The following NR3C2 variants were observed in gnomAD, a reference collection of about 807,000 sequenced individuals.
NR3C2 encodes the protein mineralocorticoid receptor.
Under a neutral mutation model 86.4 loss-of-function variants are expected in NR3C2, and 15 were observed. That is an observed-to-expected ratio of 0.17 (90% CI 0.12 to 0.27). The LOEUF (loss-of-function observed/expected upper bound fraction) is 0.27, where lower values mean the gene tolerates loss of function less well. Ranked by LOEUF, NR3C2 falls within the 10% of genes least tolerant of loss-of-function variation. NR3C2 has a pLI of 1.00. For synonymous variants in NR3C2, 458 were observed against 450.5 expected, an observed-to-expected ratio of 1.02 and a Z score of -0.21; for missense variants, 960 against 1,195.6, an observed-to-expected ratio of 0.80 and a Z score of 2.91.
chr4:148,419,739 A>T (rs967982603), intron 2 of NR3C2, among the ~76,000 whole-genome samples: 6 of 152,178 alleles, frequency 3.9e-5, no homozygotes, highest in Non-Finnish European at 8.8e-5. Context: ...GTACTTTGTA[A>T]AAGAAACTAT....
At chr4:148,357,676 CTCT>C (rs2149999582) in intron 2 of NR3C2, among the ~76,000 whole-genome samples, 1 of 152,270 alleles carries the variant, frequency 6.6e-6, no homozygotes, top group East Asian at 1.9e-4. Context: ...CCACCAAAGG[CTCT>C]TCATTTAACA....
Position 148,142,501 on chromosome 4 carries a change from C to T in NR3C2, c.2510+9968G>A, listed in dbSNP as rs115119954. 6.2e-3 allele frequency among the ~76,000 whole-genome samples: 937 copies of T among 152,050 alleles called. 10 individuals carry two copies. Among genetic ancestry groups the T allele is most frequent in the African/African-American group, 0.021 (884 of 41,488 alleles). ...ATCTCAGGGGTGCACGTCTTTCTTC[C>T]CCACCCCCGAAAGGGCCTCGTTTTG... On this transcript the variant is annotated intron_variant, in intron 6 of 8. Coordinates refer to ENST00000358102, the MANE Select transcript of NR3C2 (RefSeq NM_000901.5).
At chr4:148,440,528 T>A (rs900147800) in intron 1 of NR3C2, among the ~76,000 whole-genome samples, 2 of 152,252 alleles carry the variant, frequency 1.3e-5, no homozygotes, top group African/African-American at 4.8e-5. Context: ...AAATCAGGCT[T>A]GCCTGCCTCA....
rs540181155 is a variant in NR3C2, at chr4:148,133,369, T to C, written c.2511-13081A>G. Among the ~76,000 whole-genome samples, 3 of 152,286 alleles carry C rather than the reference T, an allele frequency of 2.0e-5. No homozygotes were observed. The East Asian group carries it at 5.8e-4, about 29-fold the overall frequency. On this transcript the variant is annotated intron_variant, in intron 6 of 8. Transcript: ENST00000358102. ...CCTTTGGTGAGATATTATTGCTTCA[T>C]ACAGGGACATTTTGGGTATAAACGT... is the stretch of plus-strand genomic sequence containing the variant.
intron 2 of NR3C2, 33 bp from the exon 3 acceptor site, chr4:148,260,150 A>G: frequency 6.2e-7 from 1 of 1,613,302 alleles, no homozygotes; most frequent in Non-Finnish European, 8.5e-7. Flanking sequence ...AAATAACTAC[A>G]CCGTAAAGGC....
intron 2 of NR3C2, among the ~76,000 whole-genome samples, chr4:148,270,168 C>T (rs968075053): frequency 3.3e-5 from 5 of 151,330 alleles, no homozygotes; most frequent in African/African-American, 1.2e-4. Flanking sequence ...AATATGGCTT[C>T]TTTCTATAAA....
intron 3 of NR3C2, among the ~76,000 whole-genome samples, chr4:148,211,533 G>A (rs1346145596): frequency 6.6e-6 from 1 of 152,058 alleles, no homozygotes; most frequent in Non-Finnish European, 1.5e-5. Flanking sequence ...AATATATTAG[G>A]AAAAAGCCTA....
At chr4:148,148,109 T>A (rs949261354) in intron 6 of NR3C2, among the ~76,000 whole-genome samples, 1 of 77,182 alleles carries the variant, frequency 1.3e-5, no homozygotes, top group Non-Finnish European at 3.4e-5. Flanking sequence ...GGCAAGTCAA[T>A]CTTACCTTCA....
intron 2 of NR3C2, among the ~76,000 whole-genome samples, chr4:148,266,076 T>C (rs1454539614): frequency 1.3e-4 from 3 of 23,998 alleles, no homozygotes; most frequent in Non-Finnish European, 2.9e-4. Flanking sequence ...AGAAGGCCGC[T>C]TTTTTTTTTT....
chr4:148,296,068 A>G (rs1192377969), intron 2 of NR3C2, among the ~76,000 whole-genome samples: 1 of 140,442 alleles, frequency 7.1e-6, no homozygotes, highest in Non-Finnish European at 1.6e-5. Context: ...AAAAAAAAAG[A>G]GAGAATGTTC....
chr4:148,089,883 TC>T (rs1326690406), intron 8 of NR3C2, among the ~76,000 whole-genome samples: 1 of 152,110 alleles, frequency 6.6e-6, no homozygotes, highest in Non-Finnish European at 1.5e-5. Context: ...TGCCCTGGAG[TC>T]CCTCCATGTG....
chr4:148,312,212 T>C (rs1402547605), intron 2 of NR3C2, among the ~76,000 whole-genome samples: 1 of 152,178 alleles, frequency 6.6e-6, no homozygotes, highest in African/African-American at 2.4e-5. Flanking sequence ...GTCTGTAAAG[T>C]GACAATTATA....
In NR3C2 at chr4:148,406,674, C is replaced by A. The variant is rs1008121381; in HGVS notation, c.1757+28430G>T. 3.9e-5 allele frequency among the ~76,000 whole-genome samples: 6 copies of A among 151,906 alleles called. No homozygotes were observed. In the South Asian group the frequency reaches 6.2e-4, roughly 16 times the overall value. On this transcript the variant is annotated intron_variant, in intron 2 of 8. Coordinates refer to ENST00000358102, the MANE Select transcript of NR3C2 (RefSeq NM_000901.5). ...TTTTATCCTAAGAGAAATAGGAGGC[C>A]GGTAAAAGCTTTAACTAAGAATCTG...
chr4:148,444,735 C>A (rs1579307349), upstream of NR3C2: 1 of 985,148 alleles, frequency 1.0e-6, no homozygotes, highest in East Asian at 1.1e-4. Flanking sequence ...GAGGCAGCGG[C>A]GCCAAATCGC....
rs144368352 is a variant in NR3C2 at position 148,091,359 on chromosome 4, C to G, written c.2800-9860G>C. On this transcript the variant is annotated intron_variant, in intron 8 of 8. Coordinates refer to ENST00000358102, the MANE Select transcript of NR3C2 (RefSeq NM_000901.5). ...TGCTACAGCCAGTGGGCCAGGGAAG[C>G]CTTCAGGGCAGAACCCACAGATGCC... Among the ~76,000 whole-genome samples the G allele has an allele frequency of 6.7e-3, 1,014 of 152,340 alleles. 10 individuals are homozygous for G. The highest frequency in any genetic ancestry group is 0.023 in the African/African-American group (954 of 41,572).
At chr4:148,084,643 C>T (rs906654300) in intron 8 of NR3C2, among the ~76,000 whole-genome samples, 1 of 152,168 alleles carries the variant, frequency 6.6e-6, no homozygotes, top group Non-Finnish European at 1.5e-5. Context: ...ATCATAATGA[C>T]AGGATTAAAT....
intron 2 of NR3C2, among the ~76,000 whole-genome samples, chr4:148,354,045 A>G (rs896836042): frequency 7.2e-5 from 11 of 152,040 alleles, no homozygotes; most frequent in Non-Finnish European, 1.6e-4. Flanking sequence ...ATTACAGTTG[A>G]CCCTTTAACA....
intron 3 of NR3C2, chr4:148,209,030 A>G (rs6535591): frequency 0.75 from 113,943 of 151,856 alleles, 43,753 homozygotes; most frequent in African/African-American, 0.92. Context: ...ATCACCTTAA[A>G]GTTAGGAGTT....
chr4:148,319,461 C>G (rs1048762528), intron 2 of NR3C2, among the ~76,000 whole-genome samples: 2 of 151,544 alleles, frequency 1.3e-5, no homozygotes, highest in Non-Finnish European at 2.9e-5. Context: ...TATAAATTAC[C>G]TTGGGCAGTA....
Sources: allele counts gnomAD v4.1 joint callset (sites outside exome capture counted in the v4.1 genomes callset), GRCh38; gene constraint gnomAD v4.1.1; transcripts MANE v1.5; gene names NCBI Gene and HGNC (gene_info 2026-07-23, HGNC 2026-07-21).